Variants in DUSP18 observed in about 807,000 individuals in gnomAD.
The protein encoded by DUSP18 is dual specificity phosphatase 18.
A neutral mutation model predicts 6.3 loss-of-function variants in DUSP18; 4 were observed. The ratio of observed to expected loss-of-function variants is 0.63; its 90% CI spans 0.31 to 1.45. The LOEUF (loss-of-function observed/expected upper bound fraction) is 1.45. Ranked by LOEUF, DUSP18 falls within the 40% of genes most tolerant of loss-of-function variation. The probability of loss-of-function intolerance (pLI) is 0.07; values close to 1 mark genes in which losing one functional copy is unlikely to be tolerated. For synonymous variants in DUSP18, 96 were observed against 95.1 expected (o/e 1.01, Z -0.05); for missense variants, 235 against 247.7 (o/e 0.95, Z 0.34).
chr22:30,663,870 T>C lies in DUSP18; in HGVS notation c.134A>G (p.Gln45Arg), dbSNP rs760861702. The change falls in exon 2 of 2, where the codon CAG becomes CGG. Residue 45 changes from glutamine (Q) to arginine (R), a missense_variant. Coordinates refer to ENST00000334679, the MANE Select transcript of DUSP18 (RefSeq NM_152511.5). The part of the protein sequence containing the change: ...ANNKLMLSSN[Q>R]ITMVINVSVE... ...TGAGACATTGATGACCATGGTGATC[T>C]GGTTGCTAGACAGCATGAGCTTGTT... 42 of 1,614,106 alleles carry C rather than the reference T, an allele frequency of 2.6e-5. No individual in the cohort carries two copies. Among genetic ancestry groups the C allele is most frequent in the Middle Eastern group, 1.6e-4 (1 of 6,084 alleles).
chr22:30,663,642 T>G lies in DUSP18; in HGVS notation c.362A>C (p.Lys121Thr). The G allele has an allele frequency of 2.5e-6, 4 of 1,614,212 alleles. No homozygotes were observed. Among genetic ancestry groups the G allele is most frequent in the Non-Finnish European group, 3.4e-6 (4 of 1,180,042 alleles). Residue 121 changes from lysine to threonine, a missense_variant, in exon 2 of 2, where the codon AAG (lysine) becomes ACG (threonine). Lys to Thr is a moderately conservative substitution (Grantham distance 78, BLOSUM62 -1). Transcript: ENST00000334679. ...GTCCAGCAGGGACATGGCGTGGTAC[T>G]TCATGAGGTAGGCGAGGCACAGGGC... ...SAALCLAYLM[K>T]YHAMSLLDAH...
At chr22:30,657,908 AT>A (rs1227651552), downstream of DUSP18, among the ~76,000 whole-genome samples, 69 of 14,588 alleles carry the variant, frequency 4.7e-3, no homozygotes, top group East Asian at 0.07. Context: ...TGTCTCAAAA[AT>A]AATAATAATA....
chr22:30,656,272 T>A (rs1158546101), intron 2 of DUSP18, among the ~76,000 whole-genome samples: 1 of 152,042 alleles, frequency 6.6e-6, no homozygotes, highest in East Asian at 1.9e-4. Flanking sequence ...CCACTGCACT[T>A]GGACTCTAAG....
intron 1 of DUSP18, chr22:30,665,359 T>C (rs753263884): frequency 1.7e-5 from 5 of 288,290 alleles, no homozygotes; most frequent in Middle Eastern, 1.3e-3. Context: ...CAGCCTCTTA[T>C]TAGGCTTCTC....
chr22:30,657,949 A>AATG (rs2088378853), downstream of DUSP18, among the ~76,000 whole-genome samples: 1 of 136,210 alleles, frequency 7.3e-6, no homozygotes, highest in Admixed American at 7.5e-5. Flanking sequence ...TAATAATAAT[A>AATG]ATAATGATTA....
chr22:30,663,948 C>T lies in DUSP18; in HGVS notation c.56G>A (p.Gly19Asp). ...CAGGCTTTTGGTTATCTGCGAGAGGCCGCTGACTGAGGGCTGCCGGAACTG... is the reference window on the plus strand; with the variant it reads ...CAGGCTTTTGGTTATCTGCGAGAGGTCGCTGACTGAGGGCTGCCGGAACTG... ...PVQFRQPSVS[G>D]LSQITKSLYI... Residue 19 changes from glycine to aspartate, a missense_variant, in exon 2 of 2, where the codon GGC (glycine) becomes GAC (aspartate). Transcript: ENST00000334679. The T allele has an allele frequency of 1.2e-6, 2 of 1,614,172 alleles. No individual in the cohort carries two copies. Among genetic ancestry groups the T allele is most frequent in the Non-Finnish European group, 1.7e-6 (2 of 1,180,034 alleles).
In DUSP18 at chr22:30,662,319, T is replaced by A. The variant is rs917990971; in HGVS notation, c.*1118A>T. On this transcript the variant is annotated 3_prime_UTR_variant, in exon 2 of 2. Coordinates refer to ENST00000334679, the MANE Select transcript of DUSP18 (RefSeq NM_152511.5). ...ACACTGATGCTCCCAGGGGTCCACA[T>A]CACATGAAGAGGAGGTGACAGGGCT... 1.3e-5 allele frequency: 2 copies of A among 152,168 alleles called. No individual in the cohort carries two copies. The highest frequency in any genetic ancestry group is 4.8e-5 in the African/African-American group (2 of 41,440). The allele number at this position is 152,168 out of a possible 1,614,324, so 9.4% of individuals were successfully genotyped here.
intron 2 of DUSP18, among the ~76,000 whole-genome samples, chr22:30,655,681 G>A (rs1048491579): frequency 1.3e-5 from 2 of 152,100 alleles, no homozygotes; most frequent in African/African-American, 2.4e-5. Context: ...CAGTGTCACA[G>A]CTGGGAGCCC....
At chr22:30,666,223 AG>A (rs1261097006) in intron 1 of DUSP18, among the ~76,000 whole-genome samples, 1 of 152,226 alleles carries the variant, frequency 6.6e-6, no homozygotes, top group Non-Finnish European at 1.5e-5. Context: ...TAACGGGAAT[AG>A]AGGAATGTGC....
At chr22:30,654,720 G>A (rs890705452) in intron 2 of DUSP18, 9 of 338,466 alleles carry the variant, frequency 2.7e-5, no homozygotes, top group African/African-American at 8.6e-5. Context: ...CGCAGTGTAC[G>A]ACCACCACCT....
chr22:30,653,984 TG>T, intron 2 of DUSP18: 1 of 149,272 alleles, frequency 6.7e-6, no homozygotes, highest in East Asian at 1.7e-4. Flanking sequence ...TTTGTTTTTT[TG>T]TTTTTTTTTT....
chr22:30,659,868 A>C (rs2088423750), downstream of DUSP18, among the ~76,000 whole-genome samples: 1 of 152,196 alleles, frequency 6.6e-6, no homozygotes, highest in Non-Finnish European at 1.5e-5. Flanking sequence ...CTGGACTTAG[A>C]TGTAACAGAA....
Position 30,663,739 on chromosome 22 carries a change from G to C in DUSP18, c.265C>G (p.His89Asp), listed in dbSNP as rs752176388. Residue 89 changes from histidine (H) to aspartate (D), a missense_variant, in exon 2 of 2, where the codon CAT becomes GAT. Transcript: ENST00000334679. ...LCDFFDPIAD[H>D]IHSVEMKQGR... ...TGCTTCATCTCCACGCTGTGGATAT[G>C]GTCAGCAATAGGGTCAAAGAAGTCA... is the stretch of plus-strand genomic sequence containing the variant. 1.9e-6 allele frequency: 3 copies of C among 1,614,202 alleles called. No homozygotes were observed. The Admixed American group carries it at 5.0e-5, about 27-fold the overall frequency.
chr22:30,657,910 AATAATAATAAT>A (rs1569065569), downstream of DUSP18, among the ~76,000 whole-genome samples: 17 of 14,692 alleles, frequency 1.2e-3, no homozygotes, highest in East Asian at 0.049. Context: ...TCTCAAAAAT[AATAATAATAAT>A]AATAATAATA....
chr22:30,656,619 A>C (rs1373362226), downstream of DUSP18, among the ~76,000 whole-genome samples: 3 of 152,282 alleles, frequency 2.0e-5, no homozygotes, highest in Admixed American at 1.3e-4. Flanking sequence ...CTACTATAGG[A>C]CTGCATTCAA....
At position 30,663,865 on chromosome 22, in the gene DUSP18, TG is replaced by T. The variant is rs756865848; in HGVS notation, c.138del (p.Thr47ProfsTer10). 3 of 1,614,002 alleles carry T rather than the reference TG, an allele frequency of 1.9e-6. No individual in the cohort carries two copies. In the South Asian group the frequency reaches 3.3e-5, roughly 18 times the overall value. On this transcript the variant is annotated frameshift_variant, in exon 2 of 2. Coordinates refer to ENST00000334679, the MANE Select transcript of DUSP18 (RefSeq NM_152511.5). LOFTEE classifies it high-confidence loss of function. ...TCCACTGAGACATTGATGACCATGG[TG>T]ATCTGGTTGCTAGACAGCATGAGCT... ...NNKLMLSSNQ[I>X]TMVINVSVEV... is the part of the protein sequence containing the mutation.
downstream of DUSP18, among the ~76,000 whole-genome samples, chr22:30,659,939 G>A (rs540244778): frequency 8.3e-4 from 127 of 152,254 alleles, 1 homozygote; most frequent in African/African-American, 3.0e-3. Flanking sequence ...AGGGGCACAC[G>A]TAGAAAGCAC....
In DUSP18 at chr22:30,663,517, T is replaced by C. The variant is rs147361219; in HGVS notation, c.487A>G (p.Thr163Ala). 1.1e-3 allele frequency: 1,815 copies of C among 1,614,232 alleles called. No homozygotes were observed. The highest frequency in any genetic ancestry group is 1.4e-3 in the Non-Finnish European group (1,620 of 1,180,040). The change falls in exon 2 of 2, where the codon ACT becomes GCT. Residue 163 changes from threonine to alanine, a missense_variant. Coordinates refer to ENST00000334679, the MANE Select transcript of DUSP18 (RefSeq NM_152511.5). ...ACTGGGGAACTGACCATGTGCACAGTGTTCTTGCCAAACAATTGGAACTCA... is the reference window on the plus strand; with the variant it reads ...ACTGGGGAACTGACCATGTGCACAGCGTTCTTGCCAAACAATTGGAACTCA... The part of the protein sequence containing the change: ...HYEFQLFGKN[T>A]VHMVSSPVGM...
At chr22:30,661,100 C>G (rs2088451751), downstream of DUSP18, among the ~76,000 whole-genome samples, 1 of 152,094 alleles carries the variant, frequency 6.6e-6, no homozygotes. Context: ...CTCGGCCTCC[C>G]AAAGTGTTGG....
Sources: gnomAD v4.1 joint callset for allele counts (sites outside exome capture counted in the v4.1 genomes callset) on GRCh38, gnomAD v4.1.1 for gene constraint, MANE v1.5 for transcripts, NCBI Gene and HGNC (gene_info 2026-07-23, HGNC 2026-07-21) for gene names.